The following NEK10 variants were observed in gnomAD, a reference collection of about 807,000 sequenced individuals.
The protein encoded by NEK10 is NIMA related kinase 10.
NEK10 carries 122 observed loss-of-function variants against 159.8 expected under a neutral mutation model. That is an observed-to-expected ratio of 0.76 (90% CI 0.66 to 0.89). The LOEUF (loss-of-function observed/expected upper bound fraction) is 0.89. Among genes scored for constraint, NEK10 ranks in the 40% least tolerant of loss-of-function variants. NEK10 has a pLI of 0.00. For synonymous variants in NEK10, 466 were observed against 457.1 expected, an observed-to-expected ratio of 1.02 and a Z score of -0.25; for missense variants, 1,342 against 1,323.1, an observed-to-expected ratio of 1.01 and a Z score of -0.22.
intron 23 of NEK10, among the ~76,000 whole-genome samples, chr3:27,242,861 G>A (rs1447535961): frequency 6.6e-6 from 1 of 152,138 alleles, no homozygotes; most frequent in Admixed American, 6.5e-5. Flanking sequence ...AAACTTAACT[G>A]CCAAATGTGA....
intron 23 of NEK10, among the ~76,000 whole-genome samples, chr3:27,203,620 TA>T (rs1179023758): frequency 6.6e-5 from 10 of 152,274 alleles, no homozygotes; most frequent in Non-Finnish European, 1.0e-4. Context: ...TTCAGTTCCA[TA>T]ATAAGTACTT....
chr3:27,165,438 G>A (rs947156105), intron 29 of NEK10, among the ~76,000 whole-genome samples: 2 of 152,194 alleles, frequency 1.3e-5, no homozygotes, highest in African/African-American at 4.8e-5. Flanking sequence ...TACGGCTACA[G>A]AGGGTGGTGT....
intron 16 of NEK10, 53 bp from the exon 17 acceptor site, chr3:27,291,639 T>C: frequency 2.0e-6 from 2 of 1,017,878 alleles, no homozygotes; most frequent in Admixed American, 3.6e-5. Flanking sequence ...AGTTGATCAT[T>C]ACTTCCCTTT....
At position 27,115,982 on chromosome 3, in the gene NEK10, T is replaced by G. The variant is rs1940358984; in HGVS notation, c.3257A>C (p.Glu1086Ala). 1.2e-5 allele frequency: 20 copies of G among 1,613,096 alleles called. No homozygotes were observed. Among genetic ancestry groups the G allele is most frequent in the Non-Finnish European group, 1.7e-5 (20 of 1,179,296 alleles). ...TYEQMQTVIE[E>A]VLEESGYYNF... ...GTAATAGCCACTTTCCTCAAGGACT[T>G]CTTCAATCACAGTCTAAAATTTTAA... Residue 1086 changes from glutamate to alanine, a missense_variant, in exon 35 of 36, where the codon GAA (glutamate) becomes GCA (alanine). Coordinates refer to ENST00000691995, the MANE Select transcript of NEK10 (RefSeq NM_001394966.1).
intron 1 of NEK10, among the ~76,000 whole-genome samples, chr3:27,355,435 C>T (rs1162249851): frequency 6.6e-6 from 1 of 152,038 alleles, no homozygotes; most frequent in Non-Finnish European, 1.5e-5. Flanking sequence ...GACCCCCACC[C>T]CCTAGTAACA....
intron 23 of NEK10, among the ~76,000 whole-genome samples, chr3:27,241,591 AGTG>A (rs1954566001): frequency 6.6e-6 from 1 of 152,224 alleles, no homozygotes; most frequent in Non-Finnish European, 1.5e-5. Context: ...AATTGCCCAC[AGTG>A]GTAACTTGCC....
intron 26 of NEK10, among the ~76,000 whole-genome samples, chr3:27,191,323 C>G (rs966135021): frequency 3.3e-5 from 5 of 152,116 alleles, no homozygotes; most frequent in Non-Finnish European, 5.9e-5. Flanking sequence ...ATGAAAGTCC[C>G]CTTACCAGGT....
intron 1 of NEK10, among the ~76,000 whole-genome samples, chr3:27,367,775 T>C (rs376416505): frequency 2.6e-5 from 4 of 152,028 alleles, no homozygotes; most frequent in Non-Finnish European, 4.4e-5. Context: ...CAGAAAATGA[T>C]TGGGGAGTGA....
chr3:27,300,271 T>C (rs1203787776), intron 13 of NEK10, among the ~76,000 whole-genome samples: 5 of 151,728 alleles, frequency 3.3e-5, no homozygotes, highest in Non-Finnish European at 5.9e-5. Context: ...TTTTAAAATG[T>C]TTTTTTTGTA....
rs770602451 is a variant in NEK10, at chr3:27,291,626, C to G, written c.1374-40G>C. 2.7e-6 allele frequency: 3 copies of G among 1,113,332 alleles called. No homozygotes were observed. In the Admixed American group the frequency reaches 5.3e-5, roughly 20 times the overall value. 69.0% of individuals were successfully genotyped at this position (1,113,332 alleles called of 1,614,324 possible). A position where few individuals can be genotyped will look rare whatever the true frequency, so the allele number is the denominator to read the frequency against. On this transcript the variant is annotated intron_variant, in intron 16 of 35. Coordinates refer to ENST00000691995, the MANE Select transcript of NEK10 (RefSeq NM_001394966.1). The stretch of plus-strand genomic sequence containing the variant: ...ACACACACTTAAAGTAGAACTTGGA[C>G]ACAGTTGATCATTACTTCCCTTTTT...
intron 23 of NEK10, among the ~76,000 whole-genome samples, chr3:27,209,757 T>C (rs1257179864): frequency 6.6e-6 from 1 of 152,150 alleles, no homozygotes; most frequent in Non-Finnish European, 1.5e-5. Flanking sequence ...TGGATTGTGT[T>C]TAGGGACATG....
At chr3:27,139,581 C>T (rs1943571875) in intron 31 of NEK10, among the ~76,000 whole-genome samples, 1 of 152,152 alleles carries the variant, frequency 6.6e-6, no homozygotes, top group African/African-American at 2.4e-5. Context: ...AAAACTATAG[C>T]ACTAGATCAG....
intron 5 of NEK10, among the ~76,000 whole-genome samples, chr3:27,326,202 T>C (rs951964833): frequency 3.3e-5 from 5 of 152,226 alleles, no homozygotes; most frequent in Admixed American, 3.3e-4. Context: ...AGGATATCTT[T>C]AATCTTTATA....
intron 31 of NEK10, among the ~76,000 whole-genome samples, chr3:27,135,134 T>C (rs987231093): frequency 6.6e-6 from 1 of 152,118 alleles, no homozygotes; most frequent in African/African-American, 2.4e-5. Context: ...TAGAAACATT[T>C]TCAGCCAGGC....
intron 13 of NEK10, among the ~76,000 whole-genome samples, chr3:27,299,694 C>T: frequency 6.6e-6 from 1 of 152,248 alleles, no homozygotes; most frequent in East Asian, 1.9e-4. Flanking sequence ...AGGGGCGGAG[C>T]TGCCCAAGAT....
intron 22 of NEK10, chr3:27,278,994 A>T: frequency 4.8e-6 from 4 of 830,558 alleles, no homozygotes; most frequent in Non-Finnish European, 5.8e-6. Flanking sequence ...GTCATGGCAC[A>T]TGCCATCAAA....
At chr3:27,217,339 G>A (rs1161037801) in intron 23 of NEK10, among the ~76,000 whole-genome samples, 1 of 152,188 alleles carries the variant, frequency 6.6e-6, no homozygotes, top group Admixed American at 6.5e-5. Context: ...TGGCGCACAG[G>A]CTATAGAAGA....
intron 2 of NEK10, 54 bp downstream of exon 2, chr3:27,352,758 G>A (rs997398115): frequency 1.6e-6 from 2 of 1,227,764 alleles, no homozygotes; most frequent in African/African-American, 3.0e-5. Flanking sequence ...CATTAAATCT[G>A]TTCAATGGCC....
At chr3:27,266,353 TA>T (rs1156591201) in intron 22 of NEK10, among the ~76,000 whole-genome samples, 1 of 152,204 alleles carries the variant, frequency 6.6e-6, no homozygotes, top group Non-Finnish European at 1.5e-5. Context: ...AGCTAATTTT[TA>T]TATAAGATAC....
Sources: gnomAD v4.1 joint callset for allele counts (sites outside exome capture counted in the v4.1 genomes callset) on GRCh38, gnomAD v4.1.1 for gene constraint, MANE v1.5 for transcripts, NCBI Gene and HGNC (gene_info 2026-07-23, HGNC 2026-07-21) for gene names.